TNFRSF19: variants seen among roughly 807,000 people sequenced by gnomAD.
TNFRSF19 encodes TNF receptor superfamily member 19, also known as tumor necrosis factor receptor superfamily member 19.
A neutral mutation model predicts 46.4 loss-of-function variants in TNFRSF19; 27 were observed. The ratio of observed to expected loss-of-function variants is 0.58; its 90% CI spans 0.43 to 0.80. TNFRSF19 has a LOEUF of 0.80. Ranked by LOEUF, TNFRSF19 falls within the 30% of genes least tolerant of loss-of-function variation. TNFRSF19 has a pLI of 0.00. For synonymous variants in TNFRSF19, 204 were observed against 205.0 expected (o/e 1.00, Z 0.04); for missense variants, 511 against 530.8 (o/e 0.96, Z 0.37).
chr13:23,578,442 A>T (rs1238479422), intron 1 of TNFRSF19, among the ~76,000 whole-genome samples: 1 of 152,212 alleles, frequency 6.6e-6, no homozygotes, highest in East Asian at 1.9e-4. Context: ...GCCTGGGATC[A>T]CAAGCTGTGC....
chr13:23,572,559 T>G (rs1268352902), intron 1 of TNFRSF19, among the ~76,000 whole-genome samples: 1 of 152,194 alleles, frequency 6.6e-6, no homozygotes, highest in Non-Finnish European at 1.5e-5. Context: ...CAGGCTCTCC[T>G]CAGCACAAAA....
intron 5 of TNFRSF19, among the ~76,000 whole-genome samples, chr13:23,630,971 A>G (rs1034092176): frequency 1.3e-5 from 2 of 152,108 alleles, no homozygotes; most frequent in African/African-American, 2.4e-5. Context: ...CAGATAAATC[A>G]CTGTGTGAGA....
chr13:23,670,322 T>C (rs947632903), intron 9 of TNFRSF19, among the ~76,000 whole-genome samples: 1 of 152,166 alleles, frequency 6.6e-6, no homozygotes, highest in African/African-American at 2.4e-5. Context: ...GTTTGCTTTT[T>C]TAAAGTACAA....
chr13:23,673,357 C>T lies in TNFRSF19; in HGVS notation c.1246-15C>T. 6.3e-7 allele frequency: 1 copy of T among 1,598,542 alleles called. No homozygotes were observed. The highest frequency in any genetic ancestry group is 1.1e-5 in the South Asian group (1 of 88,240). ...AGACATTATTTCTAAAGCTTCCTTT[C>T]TGTTGCTGTTTTAGGAAGCTTAAAG... On this transcript the variant is annotated splice_polypyrimidine_tract_variant and intron_variant, in intron 9 of 9. Transcript: ENST00000248484.
In TNFRSF19 at chr13:23,673,811, C is replaced by T. The variant is rs1951791146; in HGVS notation, c.*431C>T. The T allele has an allele frequency of 6.1e-6, 1 of 165,236 alleles. No individual in the cohort carries two copies. 10.2% of individuals were successfully genotyped at this position (165,236 alleles called of 1,614,324 possible). Reference sequence around the variant, plus strand: ...CTTTCCAGAAATAATTTCATACCGCCTATGAAATATCAGATAAATTACCTT... The same window carrying T: ...CTTTCCAGAAATAATTTCATACCGCTTATGAAATATCAGATAAATTACCTT... On this transcript the variant is annotated 3_prime_UTR_variant, in exon 10 of 10. Transcript: ENST00000248484.
intron 3 of TNFRSF19, among the ~76,000 whole-genome samples, chr13:23,607,937 G>A (rs1398940801): frequency 6.6e-6 from 1 of 152,102 alleles, no homozygotes; most frequent in African/African-American, 2.4e-5. Context: ...TCTTTGGAAG[G>A]CATTCAATTC....
At chr13:23,628,277 C>CT (rs1882134109) in intron 5 of TNFRSF19, among the ~76,000 whole-genome samples, 1 of 152,210 alleles carries the variant, frequency 6.6e-6, no homozygotes, top group Non-Finnish European at 1.5e-5. Context: ...TTGACTCTTT[C>CT]TTGTGTTGTT....
intron 5 of TNFRSF19, among the ~76,000 whole-genome samples, chr13:23,635,317 G>C (rs1882612299): frequency 6.6e-6 from 1 of 152,156 alleles, no homozygotes; most frequent in Non-Finnish European, 1.5e-5. Context: ...AAAAATGGAA[G>C]CTTGAAGTCA....
chr13:23,581,132 C>CTTTTTTTTTTTTT (rs746641461), intron 1 of TNFRSF19, among the ~76,000 whole-genome samples: 5 of 143,660 alleles, frequency 3.5e-5, no homozygotes, highest in African/African-American at 1.0e-4. Context: ...TTTTTCTTTT[C>CTTTTTTTTTTTTT]TTTTTTTTTT....
chr13:23,629,730 A>C (rs2138301045), intron 5 of TNFRSF19, among the ~76,000 whole-genome samples: 1 of 152,304 alleles, frequency 6.6e-6, no homozygotes, highest in Admixed American at 6.5e-5. Context: ...AACTAAATGA[A>C]CTAGTAGTCC....
At chr13:23,628,767 GTATATA>G (rs140729064) in intron 5 of TNFRSF19, among the ~76,000 whole-genome samples, 3 of 150,482 alleles carry the variant, frequency 2.0e-5, no homozygotes, top group Admixed American at 6.6e-5. Context: ...AAATTAACCA[GTATATA>G]TATATATACA....
chr13:23,654,587 A>G (rs986868265), intron 5 of TNFRSF19, among the ~76,000 whole-genome samples: 3 of 152,186 alleles, frequency 2.0e-5, no homozygotes, highest in Admixed American at 2.0e-4. Context: ...GGCCTGGCTG[A>G]GTTCTCCCCA....
At chr13:23,572,506 A>T (rs934967990) in intron 1 of TNFRSF19, among the ~76,000 whole-genome samples, 3 of 152,190 alleles carry the variant, frequency 2.0e-5, no homozygotes, top group Non-Finnish European at 2.9e-5. Context: ...TAAAATTTTT[A>T]AAATGACTGT....
intron 9 of TNFRSF19, chr13:23,669,748 A>G: frequency 1.0e-6 from 1 of 981,538 alleles, no homozygotes; most frequent in South Asian, 4.7e-5. Context: ...AGCTGGAGGC[A>G]GCAAAGGATT....
At chr13:23,651,894 A>T (rs1302074566) in intron 5 of TNFRSF19, among the ~76,000 whole-genome samples, 9 of 28,800 alleles carry the variant, frequency 3.1e-4, no homozygotes, top group African/African-American at 8.2e-4. Context: ...ATAACATGCT[A>T]AAAAAAAAAA....
chr13:23,670,945 C>G (rs1951752858), intron 9 of TNFRSF19, among the ~76,000 whole-genome samples: 1 of 152,208 alleles, frequency 6.6e-6, no homozygotes, highest in Non-Finnish European at 1.5e-5. Context: ...TTACCACTCA[C>G]CTTAATTTTG....
chr13:23,615,517 C>A (rs74975002), intron 3 of TNFRSF19, among the ~76,000 whole-genome samples: 6 of 152,254 alleles, frequency 3.9e-5, no homozygotes, highest in African/African-American at 1.4e-4. Flanking sequence ...GTGAATGTTT[C>A]CCTGGCGTTA....
intron 4 of TNFRSF19, among the ~76,000 whole-genome samples, chr13:23,622,929 A>T (rs966150820): frequency 6.6e-5 from 10 of 152,282 alleles, no homozygotes; most frequent in African/African-American, 1.2e-4. Flanking sequence ...GTGATTTTTT[A>T]AAAAAATTGT....
chr13:23,607,290 C>T (rs1880572799), intron 3 of TNFRSF19, among the ~76,000 whole-genome samples: 1 of 152,036 alleles, frequency 6.6e-6, no homozygotes, highest in Non-Finnish European at 1.5e-5. Context: ...AAAAATTAGC[C>T]AGGTGTGGTG....
Sources: gnomAD v4.1 joint callset for allele counts (sites outside exome capture counted in the v4.1 genomes callset) on GRCh38, gnomAD v4.1.1 for gene constraint, MANE v1.5 for transcripts, NCBI Gene and HGNC (gene_info 2026-07-23, HGNC 2026-07-21) for gene names.